Variants in PHC2 observed in about 807,000 individuals in gnomAD.
The protein encoded by PHC2 is polyhomeotic homolog 2.
Under a neutral mutation model 87.4 loss-of-function variants are expected in PHC2, and 29 were observed. The observed-to-expected ratio is 0.33, with a 90% confidence interval of 0.25 to 0.45. The LOEUF is 0.45. Ranked by LOEUF, PHC2 falls within the 20% of genes least tolerant of loss-of-function variation. The pLI is 1.00. For missense variants in PHC2, 857 were observed against 1,136.7 expected (o/e 0.75, Z 3.54); for synonymous variants, 438 against 461.7 (o/e 0.95, Z 0.66).
chr1:33,404,460 C>T (rs1458855809), intron 1 of PHC2, among the ~76,000 whole-genome samples: 1 of 152,180 alleles, frequency 6.6e-6, no homozygotes, highest in African/African-American at 2.4e-5. Context: ...TTCCAAAACA[C>T]AACAGCAATA....
rs773205424 is a variant in PHC2, at chr1:33,375,514, T to C, written c.26A>G (p.His9Arg). MENELPVP[H>R]TSSSACATSS... ...GGTGGCACAGGCACTGCTAGATGTA[T>C]GTGGGACTGGCAGCTCATTCTCCAT... Residue 9 changes from histidine to arginine, a missense_variant, in exon 2 of 15, where the codon CAT becomes CGT. Physicochemically the swap from His to Arg is conservative, Grantham distance 29. Around this residue, in one of 3 missense-constraint regions of PHC2, gnomAD observed 832 missense variants for 1,081.8 expected, o/e 0.77. Coordinates refer to ENST00000683057, the MANE Select transcript of PHC2 (RefSeq NM_001385109.1). 1.1e-5 allele frequency: 17 copies of C among 1,594,180 alleles called. No homozygotes were observed. In the Middle Eastern group the frequency reaches 5.0e-4, roughly 47 times the overall value.
chr1:33,383,065 T>G (rs559541535), intron 1 of PHC2, among the ~76,000 whole-genome samples: 2 of 152,310 alleles, frequency 1.3e-5, no homozygotes, highest in Admixed American at 6.5e-5. Context: ...AACATATTCC[T>G]TTGCTGTGGC....
At chr1:33,424,822 C>T (rs1404538130) in intron 1 of PHC2, among the ~76,000 whole-genome samples, 2 of 152,086 alleles carry the variant, frequency 1.3e-5, no homozygotes, top group East Asian at 3.8e-4. Context: ...GATTCTTATC[C>T]AGCCATAATA....
intron 1 of PHC2, among the ~76,000 whole-genome samples, chr1:33,409,099 CT>C (rs1649881866): frequency 6.6e-6 from 1 of 152,142 alleles, no homozygotes; most frequent in African/African-American, 2.4e-5. Context: ...ATACTCACTG[CT>C]GAAAGACATA....
intron 14 of PHC2, among the ~76,000 whole-genome samples, chr1:33,327,774 G>T (rs184144094): frequency 1.8e-4 from 28 of 152,294 alleles, no homozygotes; most frequent in Admixed American, 1.2e-3. Flanking sequence ...CTTGCCAACA[G>T]CCAGCCCAGG....
rs746819084 is a variant in PHC2, at chr1:33,370,433, C to T, written c.564G>A (p.Leu188=). ...ALTASQAQMY[L]RAQMLIFTPT... ...CATGGGTACTCACCATCTGTGCCCT[C>T]AGATACATCTGTGCTTGGCTTGCAG... Residue 188 remains leucine (L), a synonymous_variant, in exon 5 of 15, where the codon CTG becomes CTA. Transcript: ENST00000683057. 5.6e-6 allele frequency: 9 copies of T among 1,613,764 alleles called. No homozygotes were observed. Among genetic ancestry groups the T allele is most frequent in the Admixed American group, 1.7e-5 (1 of 60,020 alleles).
chr1:33,406,872 C>G (rs1346649400), intron 1 of PHC2, among the ~76,000 whole-genome samples: 1 of 151,960 alleles, frequency 6.6e-6, no homozygotes, highest in Admixed American at 6.5e-5. Flanking sequence ...TCCCAAAACT[C>G]TCTTTCCTTA....
chr1:33,418,121 GAGA>G (rs1045169772), intron 1 of PHC2, among the ~76,000 whole-genome samples: 43 of 152,216 alleles, frequency 2.8e-4, no homozygotes, highest in East Asian at 1.3e-3. Context: ...ACTAGTGTTA[GAGA>G]AGAAGAAAGA....
At chr1:33,359,330 T>C (rs1647152347) in intron 7 of PHC2, among the ~76,000 whole-genome samples, 1 of 152,166 alleles carries the variant, frequency 6.6e-6, no homozygotes, top group African/African-American at 2.4e-5. Context: ...CCGCAAAGTA[T>C]ATGGGAGCTG....
At chr1:33,390,582 C>T (rs1308384672) in intron 1 of PHC2, among the ~76,000 whole-genome samples, 3 of 152,036 alleles carry the variant, frequency 2.0e-5, no homozygotes, top group Non-Finnish European at 4.4e-5. Context: ...ATGTTTGGTA[C>T]TGAATGCAAT....
At chr1:33,373,848 C>T (rs1648007098) in intron 2 of PHC2, among the ~76,000 whole-genome samples, 1 of 152,062 alleles carries the variant, frequency 6.6e-6, no homozygotes, top group Non-Finnish European at 1.5e-5. Context: ...GTCAGGCTTT[C>T]CCCAGGTTGG....
chr1:33,384,405 G>A (rs1445235402), intron 1 of PHC2, among the ~76,000 whole-genome samples: 1 of 152,178 alleles, frequency 6.6e-6, no homozygotes, highest in African/African-American at 2.4e-5. Context: ...TGAAGTCCCT[G>A]CAAAAAGGGG....
intron 1 of PHC2, among the ~76,000 whole-genome samples, chr1:33,419,351 T>C (rs999432103): frequency 6.6e-6 from 1 of 152,234 alleles, no homozygotes; most frequent in African/African-American, 2.4e-5. Flanking sequence ...CAGAAACTTA[T>C]TCTCTCACAG....
Position 33,349,845 on chromosome 1 carries a change from T to TGCGC in PHC2, c.1558+4552_1558+4555dup, listed in dbSNP as rs570581954. ...CGGGAGCGCGGGCGGCGGCCGGGGTTGCGCGCGCGCGCGCGGCGGGCGCTC... is the reference window on the plus strand; with the variant it reads ...CGGGAGCGCGGGCGGCGGCCGGGGTTGCGCGCGCGCGCGCGCGCGGCGGGCGCTC... On this transcript the variant is annotated intron_variant, in intron 9 of 14. Coordinates refer to ENST00000683057, the MANE Select transcript of PHC2 (RefSeq NM_001385109.1). The surrounding 1 kb of genome is among the most constrained non-coding windows in gnomAD (Gnocchi z 4.2). The TGCGC allele has an allele frequency of 3.9e-4, 374 of 964,606 alleles. No individual in the cohort carries two copies. Among genetic ancestry groups the TGCGC allele is most frequent in the Middle Eastern group, 1.1e-3 (2 of 1,878 alleles). 59.8% of individuals were successfully genotyped at this position (964,606 alleles called of 1,614,324 possible).
At chr1:33,430,916 C>G (rs1205093485) in intron 1 of PHC2, 60 bp downstream of exon 1, 2 of 150,878 alleles carry the variant, frequency 1.3e-5, no homozygotes, top group Non-Finnish European at 3.0e-5. Flanking sequence ...CGGCCGGTGT[C>G]CCCCGCGCGC....
chr1:33,412,957 GTTTGTTTGTT>G (rs1650044011), intron 1 of PHC2, among the ~76,000 whole-genome samples: 2 of 150,508 alleles, frequency 1.3e-5, no homozygotes, highest in South Asian at 2.1e-4. Flanking sequence ...TTTTTTTTTT[GTTTGTTTGTT>G]TTTGTTTGTT....
At chr1:33,358,387 A>C (rs1647133041) in intron 7 of PHC2, among the ~76,000 whole-genome samples, 1 of 152,206 alleles carries the variant, frequency 6.6e-6, no homozygotes, top group Non-Finnish European at 1.5e-5. Context: ...AATCAAGCTC[A>C]TAAGGCTTGA....
intron 7 of PHC2, among the ~76,000 whole-genome samples, chr1:33,359,942 C>T (rs1647164511): frequency 6.6e-6 from 1 of 152,172 alleles, no homozygotes; most frequent in African/African-American, 2.4e-5. Flanking sequence ...ACGCTAGCAC[C>T]TTCTAGGGGC....
intron 1 of PHC2, among the ~76,000 whole-genome samples, chr1:33,403,867 T>C (rs962781517): frequency 2.0e-5 from 3 of 152,214 alleles, no homozygotes; most frequent in African/African-American, 7.2e-5. Context: ...CATATTCTCC[T>C]GACCATTCCT....
Sources: allele counts gnomAD v4.1 joint callset (sites outside exome capture counted in the v4.1 genomes callset), GRCh38; gene constraint gnomAD v4.1.1; regional missense constraint gnomAD v4.1.1; non-coding constraint Gnocchi (gnomAD v3.1); transcripts MANE v1.5; gene names NCBI Gene and HGNC (gene_info 2026-07-23, HGNC 2026-07-21).